The following MYH10 variants were observed in gnomAD, a reference collection of about 807,000 sequenced individuals.
The protein encoded by MYH10 is myosin heavy chain 10.
Under a neutral mutation model 257.8 loss-of-function variants are expected in MYH10, and 55 were observed. That is an observed-to-expected ratio of 0.21 (90% CI 0.17 to 0.27). MYH10 has a LOEUF of 0.27. MYH10 is among the 10% of genes least tolerant of loss of function. MYH10 has a pLI of 1.00. For missense variants in MYH10, 1,631 were observed against 2,500.6 expected (o/e 0.65, Z 7.42); for synonymous variants, 854 against 921.7 (o/e 0.93, Z 1.33).
Position 8,545,506 on chromosome 17 carries a change from T to C in MYH10, c.1373A>G (p.Lys458Arg). Residue 458 changes from lysine to arginine, a missense_variant, in exon 13 of 43, where the codon AAA (lysine) becomes AGA (arginine). Lys to Arg is a conservative substitution (Grantham distance 26). Transcript: ENST00000360416. This position sits in a 1 kb window ranked among gnomAD's most constrained non-coding sequence, Gnocchi z 4.7. Reference sequence around the variant, plus strand: ...TCCAATGAAAGATGCTCCCTGACGTTTGGTCCTATCCAGAGCTTTATTGAT... The same window carrying C: ...TCCAATGAAAGATGCTCCCTGACGTCTGGTCCTATCCAGAGCTTTATTGAT... ...HRINKALDRT[K>R]RQGASFIGIL... 1 of 1,614,104 alleles carries C rather than the reference T, an allele frequency of 6.2e-7. No individual in the cohort carries two copies. Among genetic ancestry groups the C allele is most frequent in the South Asian group, 1.1e-5 (1 of 91,064 alleles).
chr17:8,490,101 C>G lies in MYH10; in HGVS notation c.4884+239G>C, dbSNP rs1270689007. On this transcript the variant is annotated intron_variant, in intron 35 of 42. Transcript: ENST00000360416. The surrounding 1 kb of genome is among the most constrained non-coding windows in gnomAD (Gnocchi z 4.1). ...CCTTTGGGAGTCCACTGAGGGCTTT[C>G]TGACTGATAAGTGTCTGGCTTGTAG... is the stretch of plus-strand genomic sequence containing the variant. The G allele has an allele frequency of 4.7e-6, 2 of 428,758 alleles. No homozygotes were observed. Among genetic ancestry groups the G allele is most frequent in the East Asian group, 9.2e-5 (2 of 21,774 alleles). 26.6% of individuals were successfully genotyped at this position (428,758 alleles called of 1,614,324 possible). A position where few individuals can be genotyped will look rare whatever the true frequency, so the allele number is the denominator to read the frequency against.
At position 8,493,815 on chromosome 17, in the gene MYH10, T is replaced by C. The variant is rs1916137791; in HGVS notation, c.4127A>G (p.Lys1376Arg). ...CTCCTGCTGCTCCTGAAGACTGTTC[T>C]TCTCCTCTTCCAGCTGCCGGATCCG... ...SSRIRQLEEE[K>R]NSLQEQQEEE... is the part of the protein sequence containing the mutation. The change falls in exon 32 of 43, where the codon AAG becomes AGG. Residue 1376 changes from lysine to arginine, a missense_variant. Lys to Arg is a conservative substitution (Grantham distance 26). Transcript: ENST00000360416. The C allele has an allele frequency of 1.2e-6, 2 of 1,614,016 alleles. No homozygotes were observed. Among genetic ancestry groups the C allele is most frequent in the Non-Finnish European group, 1.7e-6 (2 of 1,179,960 alleles).
rs1274022654 is a variant in MYH10, at chr17:8,490,270, G to C, written c.4884+70C>G. The C allele has an allele frequency of 1.5e-6, 2 of 1,366,880 alleles. No homozygotes were observed. Among genetic ancestry groups the C allele is most frequent in the Admixed American group, 3.4e-5 (2 of 59,560 alleles). The allele number at this position is 1,366,880 out of a possible 1,614,324, so 84.7% of individuals were successfully genotyped here. A position where few individuals can be genotyped will look rare whatever the true frequency, so the allele number is the denominator to read the frequency against. On this transcript the variant is annotated intron_variant, in intron 35 of 42. Transcript: ENST00000360416. This position sits in a 1 kb window ranked among gnomAD's most constrained non-coding sequence, Gnocchi z 4.1. ...AGATGTGTTCTAACACGAATGAACA[G>C]GATACTGACCCAGAGCTGGGCTTTG...
intron 28 of MYH10, among the ~76,000 whole-genome samples, chr17:8,502,879 G>A (rs184107099): frequency 6.7e-4 from 102 of 152,336 alleles, no homozygotes; most frequent in African/African-American, 2.4e-3. Flanking sequence ...AAGCCCAGCT[G>A]GGAGTGGAGA....
Position 8,477,213 on chromosome 17 carries a change from G to A in MYH10, c.5707-165C>T, listed in dbSNP as rs192388413. On this transcript the variant is annotated intron_variant, in intron 41 of 42. Transcript: ENST00000360416. The surrounding 1 kb of genome is among the most constrained non-coding windows in gnomAD (Gnocchi z 4.2). The stretch of plus-strand genomic sequence containing the variant: ...GGGGCTGGTCGGAGGCTCTGTAACC[G>A]GCCTGCCGCTCTCAGCAAAGCTAGC... Among the ~76,000 whole-genome samples, 8 of 152,180 alleles carry A rather than the reference G, an allele frequency of 5.3e-5. No individual in the cohort carries two copies. Among genetic ancestry groups the A allele is most frequent in the Non-Finnish European group, 1.0e-4 (7 of 68,008 alleles).
intron 40 of MYH10, among the ~76,000 whole-genome samples, chr17:8,479,039 A>G (rs1051821803): frequency 3.3e-5 from 5 of 152,232 alleles, no homozygotes; most frequent in African/African-American, 7.2e-5. Flanking sequence ...GCCTGTACAC[A>G]GTGATCTAAA....
intron 6 of MYH10, among the ~76,000 whole-genome samples, chr17:8,576,333 G>A (rs2152018032): frequency 6.6e-6 from 1 of 152,224 alleles, no homozygotes; most frequent in South Asian, 2.1e-4. Context: ...TGTCTGATAA[G>A]TATTAAAATA....
intron 11 of MYH10, among the ~76,000 whole-genome samples, chr17:8,547,780 C>A (rs2082492467): frequency 2.1e-5 from 3 of 139,956 alleles, no homozygotes; most frequent in African/African-American, 8.5e-5. Context: ...ACTTTATATC[C>A]ATATTATATT....
At chr17:8,549,170 T>C in intron 9 of MYH10, among the ~76,000 whole-genome samples, 1 of 152,366 alleles carries the variant, frequency 6.6e-6, no homozygotes. Context: ...AAACTCATAT[T>C]CTATATTCCT....
rs537330866 is a variant in MYH10, at chr17:8,530,557, C to G, written c.1957+66G>C. 10 of 1,140,588 alleles carry G rather than the reference C, an allele frequency of 8.8e-6. No homozygotes were observed. In the South Asian group the frequency reaches 1.1e-4, roughly 12 times the overall value. 70.7% of individuals were successfully genotyped at this position (1,140,588 alleles called of 1,614,324 possible). ...TCCCCGGCCACCCTGCCAGTCCCCC[C>G]ACACGTTTTTCCTGTGGGCTTAAAA... On this transcript the variant is annotated intron_variant, in intron 17 of 42. Coordinates refer to ENST00000360416, the MANE Select transcript of MYH10 (RefSeq NM_001256012.3).
intron 2 of MYH10, among the ~76,000 whole-genome samples, chr17:8,618,875 C>A (rs2085362548): frequency 6.6e-6 from 1 of 152,192 alleles, no homozygotes. Flanking sequence ...TTCTAATTTT[C>A]ACATAAAAAC....
intron 38 of MYH10, 129 bp from the exon 39 acceptor site, chr17:8,480,654 G>A: frequency 8.0e-7 from 1 of 1,245,644 alleles, no homozygotes; most frequent in Non-Finnish European, 1.1e-6. Flanking sequence ...TCTTTCCCCT[G>A]CACTCATCCC....
chr17:8,476,728 G>T, intron 42 of MYH10, 148 bp downstream of exon 42: 1 of 919,422 alleles, frequency 1.1e-6, no homozygotes, highest in Non-Finnish European at 1.6e-6. Flanking sequence ...CGACTATAAA[G>T]GTCAGAAATC....
At chr17:8,489,296 CA>C (rs745539094) in intron 35 of MYH10, among the ~76,000 whole-genome samples, 10 of 152,266 alleles carry the variant, frequency 6.6e-5, no homozygotes, top group Non-Finnish European at 1.0e-4. Flanking sequence ...GAAACTGTGA[CA>C]AAAATGTTGT....
intron 7 of MYH10, among the ~76,000 whole-genome samples, chr17:8,558,624 T>C (rs941071359): frequency 3.3e-5 from 5 of 152,238 alleles, no homozygotes; most frequent in African/African-American, 9.6e-5. Flanking sequence ...TCTGGGTTAA[T>C]AGCTATTCGA....
intron 8 of MYH10, 141 bp downstream of exon 8, chr17:8,553,814 G>A: frequency 1.5e-6 from 1 of 652,882 alleles, no homozygotes; most frequent in East Asian, 2.7e-5. Context: ...CTAGTCGAAA[G>A]TATTTGAACA....
intron 17 of MYH10, among the ~76,000 whole-genome samples, chr17:8,522,059 T>C (rs1483927433): frequency 6.6e-6 from 1 of 152,234 alleles, no homozygotes. Flanking sequence ...CCATAAACAG[T>C]ACACCAGCCA....
At chr17:8,532,121 G>A (rs2082021189) in intron 16 of MYH10, among the ~76,000 whole-genome samples, 1 of 152,210 alleles carries the variant, frequency 6.6e-6, no homozygotes, top group African/African-American at 2.4e-5. Flanking sequence ...CTAAGCTGAA[G>A]AGCGACAGCA....
intron 7 of MYH10, among the ~76,000 whole-genome samples, chr17:8,562,780 T>C (rs547419433): frequency 6.6e-6 from 1 of 152,350 alleles, no homozygotes; most frequent in African/African-American, 2.4e-5. Flanking sequence ...CTCTCATATA[T>C]AATCAAATAT....
Sources: allele counts gnomAD v4.1 joint callset (sites outside exome capture counted in the v4.1 genomes callset), GRCh38; gene constraint gnomAD v4.1.1; non-coding constraint Gnocchi (gnomAD v3.1); transcripts MANE v1.5; gene names NCBI Gene and HGNC (gene_info 2026-07-23, HGNC 2026-07-21).